LRRK2: variants seen among roughly 807,000 people sequenced by gnomAD.
LRRK2 encodes the protein leucine-rich repeat serine/threonine-protein kinase 2.
A neutral mutation model predicts 302.6 loss-of-function variants in LRRK2; 203 were observed. The observed-to-expected ratio is 0.67, with a 90% CI of 0.60 to 0.75. LRRK2 has a LOEUF of 0.75. Among genes scored for constraint, LRRK2 ranks in the 30% least tolerant of loss-of-function variants. The pLI, the probability that LRRK2 is intolerant of heterozygous loss-of-function variation, is 0.00. For synonymous variants in LRRK2, 1,066 were observed against 1,031.9 expected (o/e 1.03, Z -0.63); for missense variants, 2,830 against 2,951.0 (o/e 0.96, Z 0.95).
At chr12:40,361,745 A>G (rs955293391) in intron 47 of LRRK2, among the ~76,000 whole-genome samples, 6 of 152,080 alleles carry the variant, frequency 3.9e-5, no homozygotes, top group African/African-American at 1.4e-4. Context: ...ACACTTAAAT[A>G]TAAATATTTG....
chr12:40,225,885 G>A (rs903255008), intron 2 of LRRK2, among the ~76,000 whole-genome samples: 1 of 152,126 alleles, frequency 6.6e-6, no homozygotes, highest in Non-Finnish European at 1.5e-5. Flanking sequence ...CAGTATGGAT[G>A]GTGGTAGAAG....
intron 18 of LRRK2, among the ~76,000 whole-genome samples, chr12:40,279,651 C>T (rs780693848): frequency 1.3e-5 from 2 of 152,204 alleles, no homozygotes; most frequent in African/African-American, 2.4e-5. Context: ...GTACTACATT[C>T]CCCACAGGAA....
At chr12:40,341,606 C>T (rs1232183892) in intron 41 of LRRK2, among the ~76,000 whole-genome samples, 2 of 152,084 alleles carry the variant, frequency 1.3e-5, no homozygotes, top group Non-Finnish European at 2.9e-5. Flanking sequence ...CCCAGTGCCA[C>T]GTATATTAGA....
Position 40,354,525 on chromosome 12 carries a change from A to G in LRRK2, c.6770+33A>G, listed in dbSNP as rs762418514. 2.5e-6 allele frequency: 4 copies of G among 1,577,494 alleles called. No homozygotes were observed. In the South Asian group the frequency reaches 3.3e-5, roughly 13 times the overall value. ...AGTGAATTTGATCAATGGGGAAATTACAGATCTTTTAAACGACTGAATTGT... is the reference window on the plus strand; with the variant it reads ...AGTGAATTTGATCAATGGGGAAATTGCAGATCTTTTAAACGACTGAATTGT... On this transcript the variant is annotated intron_variant, in intron 45 of 50. Coordinates refer to ENST00000298910, the MANE Select transcript of LRRK2 (RefSeq NM_198578.4).
At chr12:40,306,947 G>A (rs1005938104) in intron 28 of LRRK2, among the ~76,000 whole-genome samples, 1 of 151,864 alleles carries the variant, frequency 6.6e-6, no homozygotes. Context: ...TCTTGAAACT[G>A]GAAAAGATGG....
rs779804338 is a variant in LRRK2, at chr12:40,225,109, G to A, written c.-23G>A. 1.2e-6 allele frequency: 2 copies of A among 1,613,090 alleles called. No individual in the cohort carries two copies. The highest frequency in any genetic ancestry group is 2.2e-5 in the South Asian group (2 of 91,024). The stretch of plus-strand genomic sequence containing the variant: ...AGCGGACGTTCATGCTGGGAGGGCG[G>A]CGGGTTGGAAGCAGGTGCCACCATG... On this transcript the variant is annotated 5_prime_UTR_variant, in exon 1 of 51. Coordinates refer to ENST00000298910, the MANE Select transcript of LRRK2 (RefSeq NM_198578.4).
chr12:40,268,588 G>A (rs1034181871), intron 14 of LRRK2, among the ~76,000 whole-genome samples: 3 of 152,022 alleles, frequency 2.0e-5, no homozygotes, highest in African/African-American at 7.2e-5. Flanking sequence ...ATTGATCTAT[G>A]TTTATGAACC....
chr12:40,355,878 C>G (rs1399418055), intron 45 of LRRK2, among the ~76,000 whole-genome samples: 1 of 152,048 alleles, frequency 6.6e-6, no homozygotes, highest in Non-Finnish European at 1.5e-5. Context: ...AGGAATGGCT[C>G]CCAGGTCCTT....
chr12:40,299,673 C>T (rs1166793225), intron 25 of LRRK2, among the ~76,000 whole-genome samples: 4 of 152,012 alleles, frequency 2.6e-5, no homozygotes, highest in Non-Finnish European at 5.9e-5. Flanking sequence ...CCATGGTACA[C>T]TTGTCAAAAC....
chr12:40,291,906 T>C (rs1333954983), intron 20 of LRRK2, among the ~76,000 whole-genome samples: 1 of 152,102 alleles, frequency 6.6e-6, no homozygotes, highest in Non-Finnish European at 1.5e-5. Context: ...TTAAGGACTA[T>C]ATAACAAAGG....
chr12:40,251,195 A>T (rs1238136267), intron 8 of LRRK2, 37 bp from the exon 9 acceptor site: 2 of 1,330,408 alleles, frequency 1.5e-6, no homozygotes, highest in Non-Finnish European at 2.1e-6. Context: ...TAGATAATAT[A>T]TATAATGTTT....
chr12:40,292,473 A>G (rs1392531853), intron 20 of LRRK2, among the ~76,000 whole-genome samples: 1 of 151,954 alleles, frequency 6.6e-6, no homozygotes, highest in African/African-American at 2.4e-5. Flanking sequence ...TAATGTGCTA[A>G]TAGACATTTC....
chr12:40,277,531 G>A (rs960111150), intron 16 of LRRK2, among the ~76,000 whole-genome samples: 1 of 152,178 alleles, frequency 6.6e-6, no homozygotes, highest in East Asian at 1.9e-4. Context: ...TGGATGTGTA[G>A]TTCTGCTGAT....
At chr12:40,275,041 C>A (rs750991722) in intron 16 of LRRK2, 48 bp downstream of exon 16, 2 of 1,607,990 alleles carry the variant, frequency 1.2e-6, no homozygotes, top group East Asian at 4.5e-5. Flanking sequence ...GCGAATTTCA[C>A]TTTTGGAGCA....
At chr12:40,233,203 C>T (rs758724903) in intron 3 of LRRK2, among the ~76,000 whole-genome samples, 6 of 152,044 alleles carry the variant, frequency 3.9e-5, no homozygotes, top group East Asian at 1.9e-4. Context: ...GGTGACAGAG[C>T]GACACTCTGT....
At chr12:40,225,972 A>C (rs1175430756) in intron 2 of LRRK2, among the ~76,000 whole-genome samples, 1 of 152,196 alleles carries the variant, frequency 6.6e-6, no homozygotes, top group Non-Finnish European at 1.5e-5. Context: ...GACTATTCCA[A>C]GTATCTTCCC....
chr12:40,235,622 C>A lies in LRRK2; in HGVS notation c.348-4C>A, dbSNP rs112766989. 35 of 1,585,668 alleles carry A rather than the reference C, an allele frequency of 2.2e-5. 2 individuals carry two copies. In the African/African-American group the frequency reaches 3.2e-4, roughly 15 times the overall value. On this transcript the variant is annotated splice_polypyrimidine_tract_variant and splice_region_variant and intron_variant, in intron 3 of 50. Transcript: ENST00000298910. ...CTTATCTTGATTTCTGTTTTTAACT[C>A]CAGATTGATTCTTAAAATGCTAACA...
Position 40,225,086 on chromosome 12 carries a change from C to T in LRRK2, c.-46C>T, listed in dbSNP as rs759598159. The stretch of plus-strand genomic sequence containing the variant: ...GCGCCCCTGCCGGTTCCCTGAGCAG[C>T]GGACGTTCATGCTGGGAGGGCGGCG... On this transcript the variant is annotated 5_prime_UTR_variant, in exon 1 of 51. Transcript: ENST00000298910. 5 of 1,610,924 alleles carry T rather than the reference C, an allele frequency of 3.1e-6. No homozygotes were observed. The highest frequency in any genetic ancestry group is 3.3e-5 in the Admixed American group (2 of 59,878).
intron 14 of LRRK2, among the ~76,000 whole-genome samples, chr12:40,271,263 A>G (rs1943222624): frequency 6.6e-6 from 1 of 152,190 alleles, no homozygotes; most frequent in Non-Finnish European, 1.5e-5. Context: ...TTATTTGTCA[A>G]AATCAGAGAT....
Sources: allele counts gnomAD v4.1 joint callset (sites outside exome capture counted in the v4.1 genomes callset), GRCh38; gene constraint gnomAD v4.1.1; transcripts MANE v1.5; gene names NCBI Gene and HGNC (gene_info 2026-07-23, HGNC 2026-07-21).